Variants in WWOX observed in about 807,000 individuals in gnomAD.
The protein encoded by WWOX is WW domain containing oxidoreductase, also known as WW domain-containing oxidoreductase.
A neutral mutation model predicts 46.2 loss-of-function variants in WWOX; 69 were observed. The observed-to-expected ratio is 1.49, with a 90% CI of 1.23 to 1.82. The LOEUF is 1.82. Among genes scored for constraint, WWOX ranks in the 40% most tolerant of loss-of-function variants. WWOX has a pLI of 0.00. For synonymous variants in WWOX, 359 were observed against 202.6 expected (o/e 1.77, Z -6.56); for missense variants, 919 against 542.6 (o/e 1.69, Z -6.89).
intron 8 of WWOX, among the ~76,000 whole-genome samples, chr16:78,546,887 G>C (rs2044045695): frequency 6.6e-6 from 1 of 152,132 alleles, no homozygotes; most frequent in Non-Finnish European, 1.5e-5. Context: ...AGCACTTTGG[G>C]AGGCTGAGGC....
Position 78,405,261 on chromosome 16 carries a change from C to T in WWOX, c.605+18313C>T, listed in dbSNP as rs138160830. 2.4e-3 allele frequency among the ~76,000 whole-genome samples: 369 copies of T among 152,144 alleles called. 7 individuals carry two copies. Among genetic ancestry groups the T allele is most frequent in the Admixed American group, 0.021 (318 of 15,278 alleles). ...CCTGGTGGTCTCCAGGGGACACAGC[C>T]GGTGCTGTGCTCCACTCTGGGTAAC... On this transcript the variant is annotated intron_variant, in intron 6 of 8. Coordinates refer to ENST00000566780, the MANE Select transcript of WWOX (RefSeq NM_016373.4).
intron 8 of WWOX, among the ~76,000 whole-genome samples, chr16:78,965,011 T>A (rs768732215): frequency 6.6e-6 from 1 of 152,186 alleles, no homozygotes; most frequent in Non-Finnish European, 1.5e-5. Flanking sequence ...TCAGAAAATA[T>A]ATGGAAACAC....
chr16:78,953,890 C>T (rs1195583132), intron 8 of WWOX, among the ~76,000 whole-genome samples: 1 of 152,178 alleles, frequency 6.6e-6, no homozygotes, highest in Non-Finnish European at 1.5e-5. Context: ...TTTTCACTTG[C>T]TGCCTTATAT....
intron 8 of WWOX, among the ~76,000 whole-genome samples, chr16:78,585,939 A>T (rs2045192077): frequency 6.6e-6 from 1 of 151,956 alleles, no homozygotes; most frequent in Non-Finnish European, 1.5e-5. Flanking sequence ...GCTCGTTTCT[A>T]TAATCCCAGC....
chr16:78,562,812 A>C (rs1357302148), intron 8 of WWOX, among the ~76,000 whole-genome samples: 1 of 152,194 alleles, frequency 6.6e-6, no homozygotes, highest in Non-Finnish European at 1.5e-5. Context: ...GTGTCATCAC[A>C]GAAAAGCATG....
intron 8 of WWOX, among the ~76,000 whole-genome samples, chr16:79,129,249 C>T (rs1011533672): frequency 7.9e-5 from 12 of 151,106 alleles, no homozygotes; most frequent in African/African-American, 2.9e-4. Flanking sequence ...ACCTCCAACG[C>T]AAAATAGAGA....
Position 79,022,072 on chromosome 16 carries a change from A to T in WWOX, c.1057-189536A>T, listed in dbSNP as rs556617877. Among the ~76,000 whole-genome samples, 9 of 152,346 alleles carry T rather than the reference A, an allele frequency of 5.9e-5. 1 individual carries two copies. The East Asian group carries it at 1.7e-3, about 29-fold the overall frequency. ...TAGGCAAAGACAAAGAGAGATGGGG[A>T]TGCCAAGTACCCTCTGGGCAGAGGA... On this transcript the variant is annotated intron_variant, in intron 8 of 8. Coordinates refer to ENST00000566780, the MANE Select transcript of WWOX (RefSeq NM_016373.4).
chr16:78,185,376 C>A (rs1365997177), intron 5 of WWOX, among the ~76,000 whole-genome samples: 2 of 152,160 alleles, frequency 1.3e-5, no homozygotes, highest in African/African-American at 4.8e-5. Context: ...ACTCTGTCTT[C>A]ATTCGAAGAT....
intron 8 of WWOX, among the ~76,000 whole-genome samples, chr16:79,023,037 G>A (rs571782469): frequency 6.6e-6 from 1 of 151,192 alleles, no homozygotes; most frequent in Non-Finnish European, 1.5e-5. Flanking sequence ...CACTGCTGTT[G>A]GCTTATTGAA....
chr16:79,203,909 A>G (rs1426592092), intron 8 of WWOX: 1 of 152,234 alleles, frequency 6.6e-6, no homozygotes, highest in Non-Finnish European at 1.5e-5. Context: ...TAGAGTAAAA[A>G]TGTAAAATGT....
chr16:79,031,697 G>A (rs1048934092), intron 8 of WWOX, among the ~76,000 whole-genome samples: 1 of 148,534 alleles, frequency 6.7e-6, no homozygotes, highest in Admixed American at 6.7e-5. Flanking sequence ...AATAGTGGAT[G>A]TATTTTTTCT....
chr16:78,437,266 T>G (rs908051882), intron 8 of WWOX, among the ~76,000 whole-genome samples: 2 of 152,228 alleles, frequency 1.3e-5, no homozygotes, highest in Non-Finnish European at 2.9e-5. Flanking sequence ...GTGATTTTAG[T>G]TACAGTAATT....
intron 7 of WWOX, among the ~76,000 whole-genome samples, chr16:78,425,887 C>T (rs540702250): frequency 1.2e-4 from 19 of 152,028 alleles, no homozygotes; most frequent in East Asian, 3.9e-4. Flanking sequence ...CCTTCTTCTC[C>T]GTCTTAAGTC....
chr16:78,777,314 T>C (rs1443639396), intron 8 of WWOX, among the ~76,000 whole-genome samples: 1 of 152,174 alleles, frequency 6.6e-6, no homozygotes, highest in Non-Finnish European at 1.5e-5. Context: ...GGGAGGACTT[T>C]CTGATGATGT....
intron 8 of WWOX, among the ~76,000 whole-genome samples, chr16:79,173,127 C>T (rs1467729702): frequency 2.0e-5 from 3 of 152,214 alleles, no homozygotes; most frequent in African/African-American, 7.2e-5. Flanking sequence ...TTGTTAATCA[C>T]ATTTGACACA....
chr16:78,948,251 C>T (rs960602207), intron 8 of WWOX, among the ~76,000 whole-genome samples: 1 of 152,168 alleles, frequency 6.6e-6, no homozygotes, highest in African/African-American at 2.4e-5. Flanking sequence ...CAGACAGTGG[C>T]ACCACTAGCT....
intron 8 of WWOX, among the ~76,000 whole-genome samples, chr16:79,148,382 T>A (rs1465520342): frequency 1.3e-5 from 2 of 152,168 alleles, no homozygotes; most frequent in African/African-American, 4.8e-5. Flanking sequence ...TGAGCATGTT[T>A]GTGTGGGTAT....
intron 8 of WWOX, among the ~76,000 whole-genome samples, chr16:78,475,533 A>G (rs1403225909): frequency 1.3e-5 from 2 of 152,210 alleles, no homozygotes; most frequent in East Asian, 1.9e-4. Context: ...GGTTGAAGAT[A>G]ACTAGAGCCA....
chr16:78,933,708 A>C (rs1002106977), intron 8 of WWOX, among the ~76,000 whole-genome samples: 1 of 152,070 alleles, frequency 6.6e-6, no homozygotes, highest in African/African-American at 2.4e-5. Flanking sequence ...TTGTGTAGGG[A>C]AACTCCTGTT....
Sources: gnomAD v4.1 joint callset for allele counts (sites outside exome capture counted in the v4.1 genomes callset) on GRCh38, gnomAD v4.1.1 for gene constraint, MANE v1.5 for transcripts, NCBI Gene and HGNC (gene_info 2026-07-23, HGNC 2026-07-21) for gene names.